Variants in ESRRG observed in about 807,000 individuals in gnomAD.
ESRRG encodes estrogen related receptor gamma, also known as estrogen-related receptor gamma.
A neutral mutation model predicts 44.0 loss-of-function variants in ESRRG; 13 were observed. That is an observed-to-expected ratio of 0.30 (90% confidence interval 0.19 to 0.47). The LOEUF is 0.47. Among genes scored for constraint, ESRRG ranks in the 20% least tolerant of loss-of-function variants. ESRRG has a pLI of 1.00. For synonymous variants in ESRRG, 215 were observed against 214.6 expected (o/e 1.00, Z -0.02); for missense variants, 395 against 580.6 (o/e 0.68, Z 3.29).
chr1:216,733,185 C>T (rs1390840015), intron 2 of ESRRG, among the ~76,000 whole-genome samples: 5 of 151,738 alleles, frequency 3.3e-5, no homozygotes, highest in East Asian at 1.9e-4. Context: ...TTCAAACATT[C>T]GTGTTTTCTT....
chr1:216,624,625 C>G (rs1005406589), intron 3 of ESRRG, among the ~76,000 whole-genome samples: 1 of 152,182 alleles, frequency 6.6e-6, no homozygotes, highest in African/African-American at 2.4e-5. Context: ...TCAGTTTAGG[C>G]TATTCGTGAG....
chr1:216,586,828 C>T (rs543900312), intron 3 of ESRRG, among the ~76,000 whole-genome samples: 4 of 152,176 alleles, frequency 2.6e-5, no homozygotes, highest in Admixed American at 6.5e-5. Context: ...CTGCCCACCT[C>T]GGCCTCCCAA....
chr1:216,750,876 G>A (rs2091942105), intron 2 of ESRRG, among the ~76,000 whole-genome samples: 1 of 152,030 alleles, frequency 6.6e-6, no homozygotes, highest in African/African-American at 2.4e-5. Context: ...GGCTTCATAA[G>A]AAATACCTTA....
chr1:217,024,856 A>T (rs890532079), intron 1 of ESRRG, among the ~76,000 whole-genome samples: 2 of 152,186 alleles, frequency 1.3e-5, no homozygotes, highest in Non-Finnish European at 2.9e-5. Context: ...GAGCAAATTG[A>T]GGTATAGAGA....
At chr1:216,730,305 T>TAAAAAAAAAAAAAAAAAAAAAA (rs11445965) in intron 2 of ESRRG, among the ~76,000 whole-genome samples, 1 of 121,456 alleles carries the variant, frequency 8.2e-6, no homozygotes. Flanking sequence ...CTTAGAAAGG[T>TAAAAAAAAAAAAAAAAAAAAAA]AAAAAAAAAA....
At chr1:216,909,680 C>T (rs1004354213) in intron 2 of ESRRG, among the ~76,000 whole-genome samples, 3 of 152,190 alleles carry the variant, frequency 2.0e-5, no homozygotes, top group South Asian at 2.1e-4. Flanking sequence ...CCACCGTGCC[C>T]GGCCTCCTTA....
At chr1:217,123,942 A>G (rs181049457) in intron 1 of ESRRG, among the ~76,000 whole-genome samples, 6 of 152,298 alleles carry the variant, frequency 3.9e-5, no homozygotes, top group African/African-American at 1.4e-4. Flanking sequence ...AAAAATACCC[A>G]TTTTAAAAGA....
chr1:216,559,717 G>A (rs1572967267), intron 5 of ESRRG, among the ~76,000 whole-genome samples: 1 of 152,114 alleles, frequency 6.6e-6, no homozygotes, highest in East Asian at 1.9e-4. Flanking sequence ...ATTTTAAGAT[G>A]GGTATTTTAT....
At chr1:217,097,148 G>A (rs923250876) in intron 1 of ESRRG, among the ~76,000 whole-genome samples, 1 of 152,130 alleles carries the variant, frequency 6.6e-6, no homozygotes, top group African/African-American at 2.4e-5. Flanking sequence ...GAATAGGGCT[G>A]AAGTTTTGGA....
chr1:216,874,448 TAATA>T (rs2096314207), intron 2 of ESRRG, among the ~76,000 whole-genome samples: 1 of 152,148 alleles, frequency 6.6e-6, no homozygotes, highest in Non-Finnish European at 1.5e-5. Flanking sequence ...AAGAATAATA[TAATA>T]AATACCAGTG....
chr1:216,968,656 T>C (rs924911162), intron 1 of ESRRG, among the ~76,000 whole-genome samples: 1 of 151,858 alleles, frequency 6.6e-6, no homozygotes, highest in Non-Finnish European at 1.5e-5. Context: ...TAGTATCAGT[T>C]CTCTCATATT....
intron 1 of ESRRG, among the ~76,000 whole-genome samples, chr1:217,078,858 A>G (rs1024900501): frequency 1.3e-5 from 2 of 152,138 alleles, no homozygotes; most frequent in African/African-American, 4.8e-5. Flanking sequence ...TCTGTCTCCC[A>G]ATGCAGAGGC....
At chr1:216,659,509 A>T (rs981665963) in intron 2 of ESRRG, among the ~76,000 whole-genome samples, 2 of 152,168 alleles carry the variant, frequency 1.3e-5, no homozygotes, top group African/African-American at 4.8e-5. Flanking sequence ...ACAGAGGACA[A>T]AACATTTGCA....
intron 2 of ESRRG, among the ~76,000 whole-genome samples, chr1:216,918,847 T>TAA (rs911731461): frequency 6.7e-6 from 1 of 148,186 alleles, no homozygotes. Flanking sequence ...GATATATATA[T>TAA]AATAATATAT....
chr1:216,944,235 C>G (rs1560207342), intron 1 of ESRRG, among the ~76,000 whole-genome samples: 2 of 152,122 alleles, frequency 1.3e-5, no homozygotes. Context: ...GATGCAAACT[C>G]TGACGGAGGA....
rs1443881902 is a variant in ESRRG, at chr1:217,046,446, T to C, written c.-106+43061A>G. 4.6e-5 allele frequency among the ~76,000 whole-genome samples: 7 copies of C among 152,190 alleles called. No homozygotes were observed. In the East Asian group the frequency reaches 1.2e-3, roughly 25 times the overall value. On this transcript the variant is annotated intron_variant, in intron 1 of 7. Coordinates refer to the ESRRG transcript ENST00000359162. Reference sequence around the variant, plus strand: ...TTTGATGGCTTTCCATTACCCACCTTCAGATAACATTCAAGAATCTTCTAA... The same window carrying C: ...TTTGATGGCTTTCCATTACCCACCTCCAGATAACATTCAAGAATCTTCTAA...
intron 1 of ESRRG, among the ~76,000 whole-genome samples, chr1:216,984,897 T>C (rs2074611714): frequency 6.6e-6 from 1 of 152,226 alleles, no homozygotes; most frequent in African/African-American, 2.4e-5. Context: ...GTGACATCAA[T>C]GACATTTTTT....
At chr1:216,727,463 C>T (rs936235397), upstream of ESRRG, among the ~76,000 whole-genome samples, 1 of 152,120 alleles carries the variant, frequency 6.6e-6, no homozygotes, top group African/African-American at 2.4e-5. Flanking sequence ...GGTTGCCTCA[C>T]TTATCTGTCC....
At chr1:216,908,180 A>G (rs2059897559) in intron 2 of ESRRG, among the ~76,000 whole-genome samples, 1 of 152,196 alleles carries the variant, frequency 6.6e-6, no homozygotes, top group Non-Finnish European at 1.5e-5. Context: ...GTCGGAAGTC[A>G]CAGTGGACTT....
Sources: gnomAD v4.1 joint callset for allele counts (sites outside exome capture counted in the v4.1 genomes callset) on GRCh38, gnomAD v4.1.1 for gene constraint, MANE v1.5 for transcripts, NCBI Gene and HGNC (gene_info 2026-07-23, HGNC 2026-07-21) for gene names.